The following CNTN4 variants were observed in gnomAD, a reference collection of about 807,000 sequenced individuals.
CNTN4 encodes contactin 4, also known as contactin-4.
A neutral mutation model predicts 122.5 loss-of-function variants in CNTN4; 77 were observed. The observed-to-expected ratio is 0.63, with a 90% CI of 0.52 to 0.76. The LOEUF (loss-of-function observed/expected upper bound fraction) is 0.76. Among genes scored for constraint, CNTN4 ranks in the 30% least tolerant of loss-of-function variants. CNTN4 has a pLI of 0.00. For missense variants in CNTN4, 1,256 were observed against 1,259.1 expected, an observed-to-expected ratio of 1.00 and a Z score of 0.04; for synonymous variants, 512 against 447.0, an observed-to-expected ratio of 1.15 and a Z score of -1.83.
At chr3:2,392,454 C>A (rs2046474772) in intron 3 of CNTN4, among the ~76,000 whole-genome samples, 1 of 152,164 alleles carries the variant, frequency 6.6e-6, no homozygotes, top group South Asian at 2.1e-4. Flanking sequence ...AATATGCACA[C>A]AGTCTTCATG....
chr3:2,170,307 A>C (rs5017185), intron 2 of CNTN4, among the ~76,000 whole-genome samples: 12,930 of 151,324 alleles, frequency 0.085, 781 homozygotes, highest in East Asian at 0.23. Flanking sequence ...GCGACACACC[A>C]AGACTCCGTC....
chr3:2,226,420 A>T (rs184907853), intron 2 of CNTN4, among the ~76,000 whole-genome samples: 1 of 152,282 alleles, frequency 6.6e-6, no homozygotes, highest in East Asian at 1.9e-4. Context: ...GATTGAGCAT[A>T]ACCACTTTAC....
At chr3:2,949,302 A>G (rs577697494) in intron 13 of CNTN4, among the ~76,000 whole-genome samples, 1 of 152,238 alleles carries the variant, frequency 6.6e-6, no homozygotes, top group East Asian at 1.9e-4. Flanking sequence ...AACGAGTGTG[A>G]TGGAAAGTTA....
intron 2 of CNTN4, among the ~76,000 whole-genome samples, chr3:2,154,122 C>T (rs761908465): frequency 6.6e-6 from 1 of 151,964 alleles, no homozygotes; most frequent in African/African-American, 2.4e-5. Flanking sequence ...TGGTGTCTGA[C>T]GCCTGTAATC....
intron 13 of CNTN4, among the ~76,000 whole-genome samples, chr3:2,946,371 A>G (rs2094678295): frequency 1.3e-5 from 2 of 152,176 alleles, no homozygotes; most frequent in African/African-American, 2.4e-5. Context: ...TTTTACATTT[A>G]TGGTAAAACT....
At position 2,736,467 on chromosome 3, in the gene CNTN4, A is replaced by T. The variant is rs1013180602; in HGVS notation, c.182+126A>T. On this transcript the variant is annotated intron_variant, in intron 5 of 24. Coordinates refer to ENST00000418658, the MANE Select transcript of CNTN4 (RefSeq NM_175607.3). ...TTTATTTTATTTTATTTTATTTTAT[A>T]TATTTATATTTTTGGGACCGAGTTT... 30 of 497,066 alleles carry T rather than the reference A, an allele frequency of 6.0e-5. No homozygotes were observed. In the African/African-American group the frequency reaches 6.1e-4, roughly 10 times the overall value. 30.8% of individuals were successfully genotyped at this position (497,066 alleles called of 1,614,324 possible). A position where few individuals can be genotyped will look rare whatever the true frequency, so the allele number is the denominator to read the frequency against.
chr3:2,411,295 C>T (rs537151516), intron 3 of CNTN4, among the ~76,000 whole-genome samples: 4 of 152,188 alleles, frequency 2.6e-5, no homozygotes, highest in African/African-American at 7.2e-5. Flanking sequence ...ATGTAACAAA[C>T]CTGCACACCC....
chr3:2,471,391 A>G (rs560050563), intron 3 of CNTN4, among the ~76,000 whole-genome samples: 1 of 152,348 alleles, frequency 6.6e-6, no homozygotes, highest in African/African-American at 2.4e-5. Flanking sequence ...GGAGAGAGTT[A>G]AAAAATATGG....
chr3:2,393,244 G>C (rs555901041), intron 3 of CNTN4, among the ~76,000 whole-genome samples: 1 of 58,856 alleles, frequency 1.7e-5, no homozygotes, highest in African/African-American at 7.2e-5. Flanking sequence ...AGTCATAATG[G>C]ATTAGGGCAC....
chr3:2,168,703 C>A (rs929577691), intron 2 of CNTN4, among the ~76,000 whole-genome samples: 1 of 151,738 alleles, frequency 6.6e-6, no homozygotes, highest in Non-Finnish European at 1.5e-5. Flanking sequence ...GTTTCTGATT[C>A]AAAAAAATGA....
At chr3:2,910,506 G>GT (rs1577237617) in intron 12 of CNTN4, among the ~76,000 whole-genome samples, 2 of 152,216 alleles carry the variant, frequency 1.3e-5, no homozygotes, top group East Asian at 3.9e-4. Context: ...AAGAGGCAAA[G>GT]TTTTTCATCA....
chr3:2,273,342 A>G (rs759828754), intron 2 of CNTN4, among the ~76,000 whole-genome samples: 117 of 152,226 alleles, frequency 7.7e-4, no homozygotes, highest in Non-Finnish European at 4.0e-4. Flanking sequence ...CTGTGTATCT[A>G]TCTAGTCATT....
At chr3:2,178,602 T>C (rs2036860774) in intron 2 of CNTN4, among the ~76,000 whole-genome samples, 1 of 152,104 alleles carries the variant, frequency 6.6e-6, no homozygotes, top group Non-Finnish European at 1.5e-5. Context: ...TAAAATAGTA[T>C]GTGAAGAAAC....
intron 3 of CNTN4, among the ~76,000 whole-genome samples, chr3:2,554,238 T>G (rs1332252859): frequency 6.6e-6 from 1 of 152,180 alleles, no homozygotes; most frequent in Non-Finnish European, 1.5e-5. Context: ...AATAGGTATT[T>G]TAAGGTATTA....
intron 3 of CNTN4, among the ~76,000 whole-genome samples, chr3:2,515,310 A>G (rs1423034487): frequency 6.6e-6 from 1 of 152,166 alleles, no homozygotes; most frequent in Non-Finnish European, 1.5e-5. Context: ...GAAGATGATT[A>G]AGGTGAAGGA....
intron 2 of CNTN4, among the ~76,000 whole-genome samples, chr3:2,328,909 A>AT (rs2043590977): frequency 1.3e-5 from 2 of 152,136 alleles, no homozygotes; most frequent in Non-Finnish European, 2.9e-5. Flanking sequence ...AATCCTGGGC[A>AT]TGGGCATACC....
intron 4 of CNTN4, among the ~76,000 whole-genome samples, chr3:2,619,979 G>A (rs757533437): frequency 6.8e-6 from 1 of 146,742 alleles, no homozygotes; most frequent in Non-Finnish European, 1.5e-5. Flanking sequence ...TTTTCCCCTG[G>A]CATAAATGAA....
At chr3:2,823,329 G>T (rs762721884) in intron 7 of CNTN4, among the ~76,000 whole-genome samples, 1 of 152,180 alleles carries the variant, frequency 6.6e-6, no homozygotes, top group African/African-American at 2.4e-5. Flanking sequence ...GATGCTGCAT[G>T]TCCTATTTCG....
intron 2 of CNTN4, among the ~76,000 whole-genome samples, chr3:2,217,759 A>G (rs977057512): frequency 1.3e-5 from 2 of 152,236 alleles, no homozygotes; most frequent in African/African-American, 4.8e-5. Context: ...TTGGAAAAAT[A>G]CAGCAATGCA....
Sources: allele counts gnomAD v4.1 joint callset (sites outside exome capture counted in the v4.1 genomes callset), GRCh38; gene constraint gnomAD v4.1.1; transcripts MANE v1.5; gene names NCBI Gene and HGNC (gene_info 2026-07-23, HGNC 2026-07-21).